Variants in TSPAN15 observed in about 807,000 individuals in gnomAD.
TSPAN15 encodes tetraspanin 15.
Under a neutral mutation model 34.5 loss-of-function variants are expected in TSPAN15, and 20 were observed. That is an observed-to-expected ratio of 0.58 (90% CI 0.41 to 0.84). The LOEUF is 0.84. Among genes scored for constraint, TSPAN15 ranks in the 40% least tolerant of loss-of-function variants. The pLI, the probability that TSPAN15 is intolerant of heterozygous loss-of-function variation, is 0.00. For synonymous variants in TSPAN15, 155 were observed against 153.9 expected (o/e 1.01, Z -0.05); for missense variants, 313 against 386.1 (o/e 0.81, Z 1.59).
Position 69,504,447 on chromosome 10 carries a change from G to A in TSPAN15, c.580G>A (p.Val194Ile), listed in dbSNP as rs192757129. Residue 194 changes from valine (V) to isoleucine (I), a missense_variant, in exon 6 of 8, where the codon GTC becomes ATC. Val to Ile is a conservative substitution (Grantham distance 29). Transcript: ENST00000373290. Reference sequence around the variant, plus strand: ...TACATTTCCATTTCAGACAGAAGTTGTCAACACCATGTGTGGCTACAAAAC... The same window carrying A: ...TACATTTCCATTTCAGACAGAAGTTATCAACACCATGTGTGGCTACAAAAC... Reference protein sequence around the residue: ...TCCIRNTTEVVNTMCGYKTID... With the variant: ...TCCIRNTTEVINTMCGYKTID... 2.5e-6 allele frequency: 4 copies of A among 1,614,032 alleles called. No individual in the cohort carries two copies. Among genetic ancestry groups the A allele is most frequent in the African/African-American group, 2.7e-5 (2 of 75,056 alleles).
chr10:69,508,799 A>G (rs1305673409), downstream of TSPAN15, among the ~76,000 whole-genome samples: 1 of 152,184 alleles, frequency 6.6e-6, no homozygotes, highest in Non-Finnish European at 1.5e-5. Context: ...TGACAAAGCC[A>G]TGACTTGAGC....
chr10:69,525,595 C>T, the TSPAN15 span, among the ~76,000 whole-genome samples: 3 of 146,980 alleles, frequency 2.0e-5, 1 homozygote, highest in Non-Finnish European at 4.5e-5. Context: ...CTGAGGCCAG[C>T]AGATCACCTG....
intron 4 of TSPAN15, among the ~76,000 whole-genome samples, chr10:69,496,401 G>C (rs1288946234): frequency 2.0e-5 from 3 of 151,386 alleles, no homozygotes; most frequent in Admixed American, 2.0e-4. Flanking sequence ...GCTGTCCTGG[G>C]TGGCTTTTGT....
intron 3 of TSPAN15, among the ~76,000 whole-genome samples, chr10:69,487,958 C>T (rs61848436): frequency 0.17 from 25,768 of 152,166 alleles, 2,651 homozygotes; most frequent in Non-Finnish European, 0.23. Flanking sequence ...GACGCCTCTC[C>T]GCTGTTTGGA....
chr10:69,520,634 C>T, the TSPAN15 span, among the ~76,000 whole-genome samples: 56 of 152,140 alleles, frequency 3.7e-4, no homozygotes, highest in South Asian at 4.1e-4. Flanking sequence ...CCTGCCTGGG[C>T]GACAGAGCAA....
chr10:69,511,261 A>T (rs916068693), downstream of TSPAN15, among the ~76,000 whole-genome samples: 5 of 152,104 alleles, frequency 3.3e-5, no homozygotes, highest in African/African-American at 1.2e-4. Flanking sequence ...AGAACTTGTT[A>T]TTGGTCTATT....
the TSPAN15 span, among the ~76,000 whole-genome samples, chr10:69,529,098 C>A: frequency 2.0e-5 from 3 of 148,280 alleles, no homozygotes; most frequent in African/African-American, 7.4e-5. Context: ...GAGTGGGTGC[C>A]AACAGCAGGG....
chr10:69,471,959 A>G (rs1841516448), intron 1 of TSPAN15, among the ~76,000 whole-genome samples: 1 of 152,224 alleles, frequency 6.6e-6, no homozygotes, highest in African/African-American at 2.4e-5. Context: ...TTTATGGTAA[A>G]TAATTGATGG....
intron 5 of TSPAN15, among the ~76,000 whole-genome samples, chr10:69,501,979 C>G (rs929762866): frequency 6.6e-6 from 1 of 151,998 alleles, no homozygotes; most frequent in Non-Finnish European, 1.5e-5. Flanking sequence ...CACCCCCCAC[C>G]CCCCCGCACC....
intron 3 of TSPAN15, among the ~76,000 whole-genome samples, chr10:69,488,627 C>G (rs914556172): frequency 6.6e-6 from 1 of 152,198 alleles, no homozygotes; most frequent in Non-Finnish European, 1.5e-5. Flanking sequence ...AGCTGGGCCG[C>G]TGGGGGTGAC....
the TSPAN15 span, among the ~76,000 whole-genome samples, chr10:69,520,199 C>T: frequency 1.3e-5 from 2 of 152,196 alleles, no homozygotes; most frequent in African/African-American, 2.4e-5. Flanking sequence ...TCCTTGTAAC[C>T]TCTATTCTAT....
the TSPAN15 span, among the ~76,000 whole-genome samples, chr10:69,530,804 CTCTCTCTCTCTCTCTCTATATA>C: frequency 3.2e-4 from 22 of 67,862 alleles, no homozygotes; most frequent in Non-Finnish European, 5.4e-4. Flanking sequence ...CTCTCTCTCT[CTCTCTCTCTCTCTCTCTATATA>C]TATATATATA....
intron 3 of TSPAN15, among the ~76,000 whole-genome samples, chr10:69,490,448 C>T (rs1484757703): frequency 2.6e-5 from 4 of 152,342 alleles, no homozygotes; most frequent in Middle Eastern, 3.4e-3. Flanking sequence ...GGGCCAGGTG[C>T]GGTGGCTCAT....
chr10:69,482,648 A>G (rs894335455), intron 1 of TSPAN15, among the ~76,000 whole-genome samples: 1 of 152,150 alleles, frequency 6.6e-6, no homozygotes, highest in Non-Finnish European at 1.5e-5. Context: ...CCGTGGTGTG[A>G]GCAGTGCAGA....
At chr10:69,520,992 C>T in the TSPAN15 span, among the ~76,000 whole-genome samples, 6 of 65,698 alleles carry the variant, frequency 9.1e-5, no homozygotes, top group African/African-American at 3.2e-4. Context: ...CTGTTATTTT[C>T]CTTTTTTTTT....
the TSPAN15 span, among the ~76,000 whole-genome samples, chr10:69,515,042 T>C: frequency 1.3e-5 from 2 of 152,248 alleles, no homozygotes; most frequent in African/African-American, 4.8e-5. Flanking sequence ...CCTGCATTGC[T>C]AGGTCCTATG....
intron 1 of TSPAN15, among the ~76,000 whole-genome samples, chr10:69,458,330 A>G (rs999823104): frequency 2.6e-5 from 4 of 152,214 alleles, no homozygotes; most frequent in African/African-American, 7.2e-5. Context: ...TAAAAGATTC[A>G]AGCCATTTGG....
At chr10:69,485,786 T>C (rs1341620438) in intron 3 of TSPAN15, among the ~76,000 whole-genome samples, 1 of 151,712 alleles carries the variant, frequency 6.6e-6, no homozygotes, top group Non-Finnish European at 1.5e-5. Flanking sequence ...TGGGGGGTCA[T>C]CCTGGGAATG....
At chr10:69,520,605 G>A in the TSPAN15 span, among the ~76,000 whole-genome samples, 3 of 152,194 alleles carry the variant, frequency 2.0e-5, no homozygotes, top group Non-Finnish European at 2.9e-5. Flanking sequence ...GTAGTGAGCC[G>A]AGATTGCATC....
Sources: allele counts gnomAD v4.1 joint callset (sites outside exome capture counted in the v4.1 genomes callset), GRCh38; gene constraint gnomAD v4.1.1; transcripts MANE v1.5; gene names NCBI Gene and HGNC (gene_info 2026-07-23, HGNC 2026-07-21).